SLC10A7: variants seen among roughly 807,000 people sequenced by gnomAD.
SLC10A7 encodes the protein solute carrier family 10 member 7.
In SLC10A7, 29 loss-of-function variants were observed where a neutral mutation model predicts 43.2. That is an observed-to-expected ratio of 0.67 (90% CI 0.50 to 0.92). The LOEUF is 0.92. Ranked by LOEUF, SLC10A7 falls within the 40% of genes least tolerant of loss-of-function variation. SLC10A7 has a pLI of 0.00. For synonymous variants in SLC10A7, 152 were observed against 144.8 expected (o/e 1.05, Z -0.35); for missense variants, 295 against 403.2 (o/e 0.73, Z 2.30).
intron 6 of SLC10A7, among the ~76,000 whole-genome samples, chr4:146,313,755 C>T (rs1005593283): frequency 6.6e-6 from 1 of 152,064 alleles, no homozygotes; most frequent in African/African-American, 2.4e-5. Context: ...TTGAAAGCTG[C>T]CCCTTGGTCT....
rs186953291 is a variant in SLC10A7, at chr4:146,319,104, T to A, written c.471+6857A>T. Among the ~76,000 whole-genome samples the A allele has an allele frequency of 1.1e-3, 166 of 152,194 alleles. No individual in the cohort carries two copies. The Middle Eastern group carries it at 0.014, about 12-fold the overall frequency. ...ATGCATTCCTTTTATCAAAACCCAT[T>A]TAATGGTTTCCTGTCTCTCTCAAAT... is the stretch of plus-strand genomic sequence containing the variant. On this transcript the variant is annotated intron_variant, in intron 6 of 11. Coordinates refer to ENST00000335472, the MANE Select transcript of SLC10A7 (RefSeq NM_001029998.6).
intron 5 of SLC10A7, among the ~76,000 whole-genome samples, chr4:146,338,941 C>T (rs754237874): frequency 6.6e-6 from 1 of 151,738 alleles, no homozygotes; most frequent in East Asian, 1.9e-4. Context: ...CATGAATTAC[C>T]AACAAGACTA....
At chr4:146,398,129 G>C (rs920773879) in intron 5 of SLC10A7, among the ~76,000 whole-genome samples, 1 of 152,182 alleles carries the variant, frequency 6.6e-6, no homozygotes, top group African/African-American at 2.4e-5. Context: ...GGATATGCAT[G>C]TGAATGACTG....
At chr4:146,395,851 CAT>C in intron 5 of SLC10A7, among the ~76,000 whole-genome samples, 1 of 152,242 alleles carries the variant, frequency 6.6e-6, no homozygotes, top group East Asian at 1.9e-4. Context: ...TTCAACCATA[CAT>C]GTCATTTGTT....
intron 3 of SLC10A7, among the ~76,000 whole-genome samples, chr4:146,508,445 C>T (rs1231007536): frequency 6.6e-6 from 1 of 152,148 alleles, no homozygotes; most frequent in Non-Finnish European, 1.5e-5. Context: ...TGGCATTTTA[C>T]ACTTTTTGGT....
intron 4 of SLC10A7, among the ~76,000 whole-genome samples, chr4:146,498,613 A>G (rs1736127162): frequency 6.6e-6 from 1 of 152,244 alleles, no homozygotes. Flanking sequence ...TAATATTTAA[A>G]TAAAAATAGC....
chr4:146,430,243 C>T (rs372922407), intron 5 of SLC10A7, among the ~76,000 whole-genome samples: 3 of 151,942 alleles, frequency 2.0e-5, no homozygotes, highest in South Asian at 2.1e-4. Flanking sequence ...GGGCCACACT[C>T]GGAGGATCCC....
chr4:146,491,177 C>T (rs147560032), intron 4 of SLC10A7, among the ~76,000 whole-genome samples: 33 of 152,120 alleles, frequency 2.2e-4, no homozygotes, highest in Admixed American at 7.9e-4. Flanking sequence ...CTACTAGATA[C>T]GGGGGATGAG....
chr4:146,402,795 C>T (rs1739314586), intron 5 of SLC10A7, among the ~76,000 whole-genome samples: 1 of 152,156 alleles, frequency 6.6e-6, no homozygotes, highest in Non-Finnish European at 1.5e-5. Context: ...CCAGCTGTCA[C>T]ACTAATTGTT....
intron 4 of SLC10A7, among the ~76,000 whole-genome samples, chr4:146,478,941 C>G (rs1734244231): frequency 6.6e-6 from 1 of 152,082 alleles, no homozygotes; most frequent in Non-Finnish European, 1.5e-5. Flanking sequence ...ATCTAAGTAT[C>G]ATTTTAGGCA....
At chr4:146,271,580 G>A (rs532920093) in intron 10 of SLC10A7, among the ~76,000 whole-genome samples, 60 of 152,216 alleles carry the variant, frequency 3.9e-4, no homozygotes, top group African/African-American at 1.4e-3. Flanking sequence ...AACAACCATA[G>A]GGATCCTTTC....
chr4:146,510,362 G>A (rs1737349081), intron 2 of SLC10A7, among the ~76,000 whole-genome samples: 1 of 151,566 alleles, frequency 6.6e-6, no homozygotes, highest in South Asian at 2.1e-4. Flanking sequence ...CAGTTTCAAG[G>A]GATTCTCCTG....
intron 4 of SLC10A7, among the ~76,000 whole-genome samples, chr4:146,447,211 A>C (rs1197303743): frequency 2.6e-5 from 4 of 152,192 alleles, no homozygotes; most frequent in Non-Finnish European, 5.9e-5. Context: ...AGATTGGGCA[A>C]GTTCAGAGCA....
chr4:146,403,998 C>T (rs1739399028), intron 5 of SLC10A7, among the ~76,000 whole-genome samples: 1 of 152,084 alleles, frequency 6.6e-6, no homozygotes. Flanking sequence ...AATAGAAAGA[C>T]TATCCCTATT....
chr4:146,331,979 A>T (rs1187776633), intron 5 of SLC10A7, among the ~76,000 whole-genome samples: 1 of 152,202 alleles, frequency 6.6e-6, no homozygotes, highest in Non-Finnish European at 1.5e-5. Flanking sequence ...TGACATTATA[A>T]GCATGAATGT....
At chr4:146,425,592 T>A (rs1729286774) in intron 5 of SLC10A7, among the ~76,000 whole-genome samples, 2 of 152,160 alleles carry the variant, frequency 1.3e-5, no homozygotes, top group South Asian at 4.1e-4. Flanking sequence ...TCCCTCTTCC[T>A]GAACTTGAAA....
chr4:146,351,037 A>G (rs1460329797), intron 5 of SLC10A7, among the ~76,000 whole-genome samples: 5 of 151,338 alleles, frequency 3.3e-5, no homozygotes, highest in African/African-American at 7.4e-5. Flanking sequence ...ATGGAGAATG[A>G]TTTTGACGAG....
chr4:146,385,150 C>T (rs763081014), intron 5 of SLC10A7, among the ~76,000 whole-genome samples: 9 of 151,928 alleles, frequency 5.9e-5, no homozygotes, highest in Non-Finnish European at 1.0e-4. Context: ...TTTCCATTTC[C>T]TCTGCTAATA....
At chr4:146,488,872 C>T (rs923711569) in intron 4 of SLC10A7, among the ~76,000 whole-genome samples, 2 of 152,146 alleles carry the variant, frequency 1.3e-5, no homozygotes, top group Admixed American at 6.5e-5. Flanking sequence ...CTTAATAATA[C>T]ATATTTAAAT....
Sources: allele counts gnomAD v4.1 joint callset (sites outside exome capture counted in the v4.1 genomes callset), GRCh38; gene constraint gnomAD v4.1.1; transcripts MANE v1.5; gene names NCBI Gene and HGNC (gene_info 2026-07-23, HGNC 2026-07-21).